The following CFLAR variants were observed in gnomAD, a reference collection of about 807,000 sequenced individuals.
CFLAR encodes the protein CASP8 and FADD-like apoptosis regulator.
Under a neutral mutation model 51.1 loss-of-function variants are expected in CFLAR, and 14 were observed. The ratio of observed to expected loss-of-function variants is 0.27; its 90% CI spans 0.18 to 0.43. CFLAR has a LOEUF of 0.43. Ranked by LOEUF, CFLAR falls within the 20% of genes least tolerant of loss-of-function variation. The pLI is 1.00. For missense variants in CFLAR, 390 were observed against 566.5 expected (o/e 0.69, Z 3.16); for synonymous variants, 210 against 211.6 (o/e 0.99, Z 0.06).
In CFLAR at chr2:201,160,428, C is replaced by CAATGAGA. The variant is rs2125926989; in HGVS notation, c.794-4_794-3insAATGAGA. ...TTTCCGTGTTTGTTTTTTGTTTTCCCCAGAGCTTCTTCGAGACACCTTCAC... is the reference window on the plus strand; with the variant it reads ...TTTCCGTGTTTGTTTTTTGTTTTCCCAATGAGACAGAGCTTCTTCGAGACACCTTCAC... On this transcript the variant is annotated splice_region_variant and splice_polypyrimidine_tract_variant and intron_variant, in intron 8 of 9. Coordinates refer to ENST00000309955, the MANE Select transcript of CFLAR (RefSeq NM_003879.7). The CAATGAGA allele has an allele frequency of 6.2e-7, 1 of 1,608,380 alleles. No homozygotes were observed. Among genetic ancestry groups the CAATGAGA allele is most frequent in the African/African-American group, 1.3e-5 (1 of 74,736 alleles).
chr2:201,159,426 C>T (rs542312378), intron 8 of CFLAR, among the ~76,000 whole-genome samples: 1 of 152,250 alleles, frequency 6.6e-6, no homozygotes, highest in East Asian at 1.9e-4. Flanking sequence ...TCTCCTGCCT[C>T]AGCCTCCTGA....
intron 1 of CFLAR, among the ~76,000 whole-genome samples, chr2:201,123,962 C>G (rs1041534485): frequency 6.6e-6 from 1 of 152,216 alleles, no homozygotes; most frequent in Non-Finnish European, 1.5e-5. Flanking sequence ...CTGCAGCTGG[C>G]AAGACAGGTT....
rs1306837139 is a variant in CFLAR at position 201,175,728 on chromosome 2, C to T, written c.*11755C>T. The T allele has an allele frequency of 2.6e-5, 4 of 152,172 alleles. No homozygotes were observed. The highest frequency in any genetic ancestry group is 9.7e-5 in the African/African-American group (4 of 41,430). 9.4% of individuals were successfully genotyped at this position (152,172 alleles called of 1,614,324 possible). ...AAATCTGCAGCAACCTCAATTCTTT[C>T]CTCCTCAGAAGAAAGAATTTGACTG... On this transcript the variant is annotated 3_prime_UTR_variant, in exon 10 of 10. Coordinates refer to ENST00000309955, the MANE Select transcript of CFLAR (RefSeq NM_003879.7).
Position 201,169,959 on chromosome 2 carries a change from T to G in CFLAR, c.*5986T>G, listed in dbSNP as rs1301264297. 2.0e-5 allele frequency: 3 copies of G among 152,180 alleles called. No individual in the cohort carries two copies. Among genetic ancestry groups the G allele is most frequent in the Non-Finnish European group, 4.4e-5 (3 of 68,038 alleles). 9.4% of individuals were successfully genotyped at this position (152,180 alleles called of 1,614,324 possible). A position where few individuals can be genotyped will look rare whatever the true frequency, so the allele number is the denominator to read the frequency against. ...TATTAAAAAGTCAAAAAACAACAGA[T>G]GCTGGCGAGGCTGTGGAGAAGTAGG... On this transcript the variant is annotated 3_prime_UTR_variant, in exon 10 of 10. Coordinates refer to ENST00000309955, the MANE Select transcript of CFLAR (RefSeq NM_003879.7).
At chr2:201,154,147 A>G in intron 8 of CFLAR, 2 of 289,008 alleles carry the variant, frequency 6.9e-6, no homozygotes, top group Non-Finnish European at 1.4e-5. Context: ...GTTGGAGTGC[A>G]ATGGCGCAAT....
chr2:201,123,683 CAAAT>C (rs2048407207), intron 1 of CFLAR, among the ~76,000 whole-genome samples: 1 of 152,176 alleles, frequency 6.6e-6, no homozygotes, highest in African/African-American at 2.4e-5. Flanking sequence ...GCAGCCTCAT[CAAAT>C]AATTTTATAA....
chr2:201,132,717 C>T (rs2049495570), intron 2 of CFLAR: 1 of 260,820 alleles, frequency 3.8e-6, no homozygotes, highest in East Asian at 7.2e-5. Flanking sequence ...TAAGTCATTT[C>T]ACTGTAACCT....
chr2:201,147,715 A>C (rs760802720), intron 6 of CFLAR: 3 of 151,576 alleles, frequency 2.0e-5, no homozygotes, highest in Non-Finnish European at 4.4e-5. Flanking sequence ...TGAAAATATA[A>C]AAATTAGCCA....
intron 3 of CFLAR, 146 bp from the exon 4 acceptor site, chr2:201,135,826 T>C (rs923787849): frequency 9.4e-7 from 1 of 1,062,806 alleles, no homozygotes; most frequent in Non-Finnish European, 1.4e-6. Flanking sequence ...GGGGTCTCAC[T>C]ATTTTGCTCA....
chr2:201,149,937 C>A, intron 8 of CFLAR, 102 bp downstream of exon 8: 1 of 867,008 alleles, frequency 1.2e-6, no homozygotes, highest in Non-Finnish European at 1.9e-6. Flanking sequence ...CCGTGACAAA[C>A]CAGTTCAAGA....
intron 2 of CFLAR, among the ~76,000 whole-genome samples, chr2:201,131,654 A>G (rs2049337390): frequency 1.3e-5 from 2 of 152,200 alleles, no homozygotes; most frequent in Admixed American, 1.3e-4. Flanking sequence ...TTTGGAAAGT[A>G]TATGAGATTT....
intron 4 of CFLAR, chr2:201,137,874 G>A: frequency 1.2e-6 from 1 of 818,260 alleles, no homozygotes; most frequent in Non-Finnish European, 2.2e-6. Flanking sequence ...CTCGCCGGGG[G>A]CCTCCATGGT....
chr2:201,161,319 C>T (rs574624854), intron 9 of CFLAR, among the ~76,000 whole-genome samples: 4 of 152,108 alleles, frequency 2.6e-5, no homozygotes, highest in African/African-American at 7.2e-5. Context: ...TGCAGTGAGT[C>T]GTGATTGCAC....
intron 8 of CFLAR, among the ~76,000 whole-genome samples, chr2:201,156,773 G>A (rs546799893): frequency 7.3e-6 from 1 of 137,698 alleles, no homozygotes; most frequent in East Asian, 2.3e-4. Context: ...TGAAATTTAC[G>A]GAGATCAGAC....
At chr2:201,130,183 G>GA in intron 2 of CFLAR, 37 bp downstream of exon 2, 2 of 854,252 alleles carry the variant, frequency 2.3e-6, no homozygotes, top group Non-Finnish European at 3.3e-6. Context: ...GGGTGGGTGG[G>GA]AGGGAGTGAA....
intron 6 of CFLAR, 85 bp downstream of exon 6, chr2:201,145,517 T>C (rs986239508): frequency 1.1e-6 from 1 of 870,532 alleles, no homozygotes; most frequent in Non-Finnish European, 1.9e-6. Context: ...GTTGGTCATT[T>C]CCTTTATCTA....
intron 2 of CFLAR, among the ~76,000 whole-genome samples, chr2:201,132,530 C>T (rs1575657556): frequency 6.6e-6 from 1 of 151,452 alleles, no homozygotes; most frequent in East Asian, 1.9e-4. Context: ...TCCTTGTGAT[C>T]CAGATGCCTG....
At position 201,162,853 on chromosome 2, in the gene CFLAR, G is replaced by A. The variant is rs530783025; in HGVS notation, c.1305-982G>A. The A allele has an allele frequency of 7.6e-5, 43 of 565,252 alleles. No homozygotes were observed. The East Asian group carries it at 1.2e-3, about 15-fold the overall frequency. 35.0% of individuals were successfully genotyped at this position (565,252 alleles called of 1,614,324 possible). The stretch of plus-strand genomic sequence containing the variant: ...CACATTTCTACAGCATCAGTTTAAT[G>A]TATGCACAATAGCCCATAATATGGC... On this transcript the variant is annotated intron_variant, in intron 9 of 9. Coordinates refer to ENST00000309955, the MANE Select transcript of CFLAR (RefSeq NM_003879.7).
At chr2:201,154,476 T>C (rs1027119428) in intron 8 of CFLAR, 1 of 152,252 alleles carries the variant, frequency 6.6e-6, no homozygotes, top group African/African-American at 2.4e-5. Flanking sequence ...ATTCAAAAGC[T>C]GGACTCCAAA....
Sources: allele counts gnomAD v4.1 joint callset (sites outside exome capture counted in the v4.1 genomes callset), GRCh38; gene constraint gnomAD v4.1.1; transcripts MANE v1.5; gene names NCBI Gene and HGNC (gene_info 2026-07-23, HGNC 2026-07-21).